The following LIN7A variants were observed in gnomAD, a reference collection of about 807,000 sequenced individuals.
LIN7A encodes the protein lin-7 cell polarity scaffold A, also known as protein lin-7 homolog A.
LIN7A carries 25 observed loss-of-function variants against 29.8 expected under a neutral mutation model. The observed-to-expected ratio is 0.84, with a 90% confidence interval of 0.61 to 1.17. LIN7A has a LOEUF of 1.17. LIN7A is among the 50% of genes most tolerant of loss of function. The probability of loss-of-function intolerance (pLI) is 0.00; values close to 1 mark genes in which losing one functional copy is unlikely to be tolerated. For synonymous variants in LIN7A, 118 were observed against 107.5 expected, an observed-to-expected ratio of 1.10 and a Z score of -0.60; for missense variants, 239 against 287.0, an observed-to-expected ratio of 0.83 and a Z score of 1.21.
chr12:80,807,196 T>C (rs1277436918), intron 5 of LIN7A, among the ~76,000 whole-genome samples: 1 of 150,594 alleles, frequency 6.6e-6, no homozygotes, highest in African/African-American at 2.4e-5. Context: ...CTCAGCCTCC[T>C]GAGTAGCTGG....
chr12:80,921,564 G>A (rs1461940284), intron 1 of LIN7A, among the ~76,000 whole-genome samples: 1 of 151,030 alleles, frequency 6.6e-6, no homozygotes, highest in Non-Finnish European at 1.5e-5. Context: ...TGGGGAGGGT[G>A]GGAGGGAGCA....
intron 5 of LIN7A, among the ~76,000 whole-genome samples, chr12:80,800,283 A>G (rs888814297): frequency 6.6e-6 from 1 of 152,052 alleles, no homozygotes; most frequent in African/African-American, 2.4e-5. Context: ...TGAGGTCGGG[A>G]GTTTGAGACC....
At chr12:80,935,917 A>C (rs1878190844) in intron 1 of LIN7A, 1 of 303,590 alleles carries the variant, frequency 3.3e-6, no homozygotes, top group African/African-American at 2.1e-5. Context: ...GTAAAACCCA[A>C]CATTGAAATA....
At chr12:80,856,450 T>TCAAG (rs982943642) in intron 2 of LIN7A, among the ~76,000 whole-genome samples, 53 of 152,290 alleles carry the variant, frequency 3.5e-4, no homozygotes, top group African/African-American at 1.3e-3. Flanking sequence ...TAGGAATAGG[T>TCAAG]CAAGGTCTTG....
At chr12:80,850,159 C>G (rs1318620499) in intron 2 of LIN7A, among the ~76,000 whole-genome samples, 1 of 152,060 alleles carries the variant, frequency 6.6e-6, no homozygotes, top group Non-Finnish European at 1.5e-5. Flanking sequence ...ATTCAAGGAG[C>G]AATACTGTGT....
At chr12:80,820,295 A>T (rs1020425660) in intron 4 of LIN7A, among the ~76,000 whole-genome samples, 4 of 152,212 alleles carry the variant, frequency 2.6e-5, no homozygotes, top group African/African-American at 9.7e-5. Flanking sequence ...AGTGTATATA[A>T]TTATACATAT....
chr12:80,894,368 T>C (rs1249986355), intron 1 of LIN7A, among the ~76,000 whole-genome samples: 1 of 152,116 alleles, frequency 6.6e-6, no homozygotes, highest in Admixed American at 6.6e-5. Flanking sequence ...ACTCCTCCTA[T>C]TGTCTGCCAC....
At chr12:80,858,863 T>A (rs1873731891) in intron 2 of LIN7A, among the ~76,000 whole-genome samples, 1 of 152,150 alleles carries the variant, frequency 6.6e-6, no homozygotes, top group African/African-American at 2.4e-5. Context: ...AAAATAAGGT[T>A]TACTTTTTAA....
At chr12:80,847,926 A>G (rs956173259) in intron 3 of LIN7A, among the ~76,000 whole-genome samples, 2 of 152,192 alleles carry the variant, frequency 1.3e-5, no homozygotes, top group African/African-American at 4.8e-5. Context: ...ACTGAATATG[A>G]TACAGGTTCT....
intron 2 of LIN7A, among the ~76,000 whole-genome samples, chr12:80,877,349 C>G (rs1469878946): frequency 2.0e-5 from 3 of 151,996 alleles, no homozygotes; most frequent in Non-Finnish European, 4.4e-5. Flanking sequence ...TACACAGCAG[C>G]TAAAGCGAAT....
intron 1 of LIN7A, among the ~76,000 whole-genome samples, chr12:80,906,287 C>G (rs1426328811): frequency 1.3e-5 from 2 of 152,146 alleles, no homozygotes; most frequent in African/African-American, 4.8e-5. Flanking sequence ...CTTTTCCTAT[C>G]TCAGCTCTCA....
chr12:80,811,811 A>T (rs1009271972), intron 4 of LIN7A, 128 bp from the exon 5 acceptor site: 1 of 1,038,748 alleles, frequency 9.6e-7, no homozygotes, highest in Non-Finnish European at 1.4e-6. Context: ...CAAATGAGTT[A>T]TCTTACCATC....
At chr12:80,853,473 G>A (rs1873434497) in intron 2 of LIN7A, among the ~76,000 whole-genome samples, 1 of 152,052 alleles carries the variant, frequency 6.6e-6, no homozygotes, top group African/African-American at 2.4e-5. Flanking sequence ...AAGCCAAAAA[G>A]TAAACAACAC....
chr12:80,868,011 G>A (rs1874228046), intron 2 of LIN7A, among the ~76,000 whole-genome samples: 1 of 152,078 alleles, frequency 6.6e-6, no homozygotes, highest in Non-Finnish European at 1.5e-5. Context: ...TCCCTGAAAT[G>A]TTACTACACT....
At chr12:80,843,866 G>T (rs1249116575) in intron 4 of LIN7A, among the ~76,000 whole-genome samples, 3 of 152,012 alleles carry the variant, frequency 2.0e-5, no homozygotes, top group Non-Finnish European at 2.9e-5. Flanking sequence ...CAAGGAATGG[G>T]TAAGTAATTA....
At chr12:80,864,012 T>C (rs1203243813) in intron 2 of LIN7A, among the ~76,000 whole-genome samples, 2 of 152,164 alleles carry the variant, frequency 1.3e-5, no homozygotes, top group African/African-American at 4.8e-5. Flanking sequence ...CCTCACTGAA[T>C]TGAGTGAAAT....
chr12:80,834,379 T>C (rs1592875341), intron 4 of LIN7A, among the ~76,000 whole-genome samples: 1 of 152,338 alleles, frequency 6.6e-6, no homozygotes, highest in Middle Eastern at 3.4e-3. Context: ...AATAGGCACC[T>C]CTGTAAATAG....
intron 4 of LIN7A, 186 bp downstream of exon 4, chr12:80,845,544 A>AT (rs1329267415): frequency 2.0e-6 from 1 of 503,824 alleles, no homozygotes; most frequent in Non-Finnish European, 3.4e-6. Context: ...AACTGAACAT[A>AT]ATGAAATGAG....
At chr12:80,885,399 T>C (rs1875274470) in intron 2 of LIN7A, among the ~76,000 whole-genome samples, 2 of 152,152 alleles carry the variant, frequency 1.3e-5, no homozygotes, top group South Asian at 4.1e-4. Flanking sequence ...TGTGTAAATG[T>C]GCTCTTATCA....
Sources: gnomAD v4.1 joint callset for allele counts (sites outside exome capture counted in the v4.1 genomes callset) on GRCh38, gnomAD v4.1.1 for gene constraint, MANE v1.5 for transcripts, NCBI Gene and HGNC (gene_info 2026-07-23, HGNC 2026-07-21) for gene names.